Variants in PTK2B observed in about 807,000 individuals in gnomAD.
The protein encoded by PTK2B is protein-tyrosine kinase 2-beta.
A neutral mutation model predicts 142.9 loss-of-function variants in PTK2B; 71 were observed. The ratio of observed to expected loss-of-function variants is 0.50; its 90% confidence interval spans 0.41 to 0.61. The LOEUF is 0.61. Ranked by LOEUF, PTK2B falls within the 20% of genes least tolerant of loss-of-function variation. The probability of loss-of-function intolerance (pLI) is 0.00; values close to 1 mark genes in which losing one functional copy is unlikely to be tolerated. For synonymous variants in PTK2B, 519 were observed against 503.4 expected (o/e 1.03, Z -0.42); for missense variants, 1,105 against 1,320.4 (o/e 0.84, Z 2.53).
intron 30 of PTK2B, among the ~76,000 whole-genome samples, chr8:27,456,941 T>C (rs1004710836): frequency 6.6e-6 from 1 of 152,160 alleles, no homozygotes; most frequent in Non-Finnish European, 1.5e-5. Context: ...GAAGAAAAGT[T>C]GGAAGCTAGC....
chr8:27,436,337 T>C lies in PTK2B; in HGVS notation c.1330T>C (p.Tyr444His). 6.2e-7 allele frequency: 1 copy of C among 1,613,016 alleles called. No individual in the cohort carries two copies. Among genetic ancestry groups the C allele is most frequent in the Non-Finnish European group, 8.5e-7 (1 of 1,178,956 alleles). Residue 444 changes from tyrosine (Y) to histidine (H), a missense_variant, in exon 15 of 31, where the codon TAC (tyrosine) becomes CAC (histidine). Coordinates refer to ENST00000346049, the MANE Select transcript of PTK2B (RefSeq NM_173176.3). Reference protein sequence around the residue: ...GFFGEVYEGVYTNHKGEKINV... With the variant: ...GFFGEVYEGVHTNHKGEKINV... ...TTTTGGGGAGGTCTATGAAGGTGTC[T>C]ACACAAATCACGTGAGTTCTAGGAT...
At chr8:27,389,877 C>T (rs959960247) in intron 1 of PTK2B, among the ~76,000 whole-genome samples, 4 of 152,156 alleles carry the variant, frequency 2.6e-5, no homozygotes, top group African/African-American at 7.2e-5. Flanking sequence ...GAGGAGCCAG[C>T]AGGGCACAGC....
Position 27,442,922 on chromosome 8 carries a change from A to T in PTK2B, c.2087A>T (p.Asn696Ile). Residue 696 changes from asparagine to isoleucine, a missense_variant, in exon 22 of 31, where the codon AAT becomes ATT. By Grantham distance (149) the Asn-to-Ile change is moderately radical (BLOSUM62 -3). Transcript: ENST00000346049. ...GACATTGCCATGGAGCAAGAGAGGA[A>T]TGCTCGCTACCGAACCCCCAAAATC... ...EKDIAMEQER[N>I]ARYRTPKILE... 1 of 1,614,140 alleles carries T rather than the reference A, an allele frequency of 6.2e-7. No homozygotes were observed. Among genetic ancestry groups the T allele is most frequent in the Admixed American group, 1.7e-5 (1 of 60,024 alleles).
chr8:27,347,502 A>T (rs990118704), intron 1 of PTK2B, among the ~76,000 whole-genome samples: 28 of 148,324 alleles, frequency 1.9e-4, no homozygotes, highest in Admixed American at 4.0e-4. Context: ...TCCAACATCA[A>T]GGTGTCAGCA....
intron 2 of PTK2B, among the ~76,000 whole-genome samples, chr8:27,313,040 C>T (rs930393017): frequency 1.3e-5 from 2 of 152,200 alleles, no homozygotes; most frequent in Admixed American, 1.3e-4. Context: ...GAATTGTAAT[C>T]CCCATAATTC....
At chr8:27,452,493 A>G (rs1189009492) in intron 27 of PTK2B, 3 of 151,198 alleles carry the variant, frequency 2.0e-5, no homozygotes, top group Admixed American at 6.6e-5. Flanking sequence ...GCCTGAGCCT[A>G]GAAGGTGAGG....
intron 1 of PTK2B, among the ~76,000 whole-genome samples, chr8:27,372,961 T>C (rs541431859): frequency 3.2e-4 from 49 of 152,176 alleles, no homozygotes; most frequent in Middle Eastern, 3.4e-3. Context: ...CTTCAAGTCT[T>C]CTCTTGAAAG....
intron 1 of PTK2B, among the ~76,000 whole-genome samples, chr8:27,339,537 A>T (rs1804268610): frequency 6.6e-6 from 1 of 152,232 alleles, no homozygotes; most frequent in Non-Finnish European, 1.5e-5. Flanking sequence ...ATACTGGGCA[A>T]GAAGGTAAGA....
At chr8:27,413,893 C>T (rs1478329919) in intron 2 of PTK2B, among the ~76,000 whole-genome samples, 1 of 152,206 alleles carries the variant, frequency 6.6e-6, no homozygotes, top group Non-Finnish European at 1.5e-5. Context: ...TCTTGGCATT[C>T]TACACAAGGA....
chr8:27,403,155 T>G (rs1208305803), intron 2 of PTK2B, among the ~76,000 whole-genome samples: 1 of 152,216 alleles, frequency 6.6e-6, no homozygotes, highest in Non-Finnish European at 1.5e-5. Context: ...ACTTCCATCT[T>G]TGTATCTTCC....
intron 2 of PTK2B, among the ~76,000 whole-genome samples, chr8:27,409,321 G>C (rs1245901908): frequency 6.6e-6 from 1 of 152,148 alleles, no homozygotes; most frequent in African/African-American, 2.4e-5. Context: ...GTCAGGGAAG[G>C]CTTCCCAGGG....
At chr8:27,430,072 C>T in intron 5 of PTK2B, 21 bp from the exon 6 acceptor site, 1 of 1,610,082 alleles carries the variant, frequency 6.2e-7, no homozygotes, top group Non-Finnish European at 8.5e-7. Context: ...CAGCCTCCCT[C>T]TCCACCACCT....
intron 3 of PTK2B, among the ~76,000 whole-genome samples, chr8:27,319,262 C>T (rs1356042203): frequency 1.3e-5 from 2 of 150,992 alleles, no homozygotes; most frequent in African/African-American, 4.9e-5. Context: ...TTCGTTTTAT[C>T]TCTCCCCTCT....
intron 1 of PTK2B, among the ~76,000 whole-genome samples, chr8:27,351,504 C>T (rs1024925255): frequency 6.6e-6 from 1 of 152,082 alleles, no homozygotes; most frequent in Admixed American, 6.5e-5. Context: ...TTTGTCTAGA[C>T]CCTGAATCTG....
At position 27,333,829 on chromosome 8, in the gene PTK2B, C is replaced by T. The variant is rs527430025; in HGVS notation, c.-38+8148C>T. Among the ~76,000 whole-genome samples the T allele has an allele frequency of 9.9e-5, 15 of 152,270 alleles. 1 individual carries two copies. The highest frequency in any genetic ancestry group is 3.6e-4 in the African/African-American group (15 of 41,542). ...CTCCATCATGTCTCCGGTGACCATC[C>T]AGATGTGATGATTCCCAGGACCCTC... On this transcript the variant is annotated intron_variant, in intron 1 of 30. Transcript: ENST00000346049.
intron 27 of PTK2B, chr8:27,452,757 C>A: frequency 3.6e-6 from 1 of 276,238 alleles, no homozygotes. Context: ...ACCACAGACA[C>A]CTGCTGGCAT....
intron 1 of PTK2B, among the ~76,000 whole-genome samples, chr8:27,376,152 T>C (rs528257466): frequency 6.6e-6 from 1 of 152,320 alleles, no homozygotes; most frequent in African/African-American, 2.4e-5. Flanking sequence ...CATTCAGGTC[T>C]AAAGTCCTCA....
At chr8:27,372,056 C>A (rs1806393569) in intron 1 of PTK2B, among the ~76,000 whole-genome samples, 1 of 152,180 alleles carries the variant, frequency 6.6e-6, no homozygotes, top group Non-Finnish European at 1.5e-5. Flanking sequence ...TTGCTTAACC[C>A]CATGCCTGAT....
Position 27,333,115 on chromosome 8 carries a change from G to T in PTK2B, c.-38+7434G>T, listed in dbSNP as rs141775356. ...CATTTGGCAAAGCTCTGAAAGGATA[G>T]ACAGGATACACTGTGGGAACTTGAG... is the stretch of plus-strand genomic sequence containing the variant. On this transcript the variant is annotated intron_variant, in intron 1 of 30. Coordinates refer to ENST00000346049, the MANE Select transcript of PTK2B (RefSeq NM_173176.3). Among the ~76,000 whole-genome samples, 246 of 152,350 alleles carry T rather than the reference G, an allele frequency of 1.6e-3. 1 individual carries two copies. The highest frequency in any genetic ancestry group is 4.5e-3 in the African/African-American group (187 of 41,584).
Sources: allele counts gnomAD v4.1 joint callset (sites outside exome capture counted in the v4.1 genomes callset), GRCh38; gene constraint gnomAD v4.1.1; transcripts MANE v1.5; gene names NCBI Gene and HGNC (gene_info 2026-07-23, HGNC 2026-07-21).